PCDHGB3: variants seen among roughly 807,000 people sequenced by gnomAD.
PCDHGB3 encodes the protein protocadherin gamma subfamily B, 3.
PCDHGB3 carries 40 observed loss-of-function variants against 59.2 expected under a neutral mutation model. That is an observed-to-expected ratio of 0.68 (90% CI 0.52 to 0.88). PCDHGB3 has a LOEUF of 0.88. PCDHGB3 is among the 40% of genes least tolerant of loss of function. PCDHGB3 has a pLI of 0.00. For synonymous variants in PCDHGB3, 581 were observed against 503.6 expected (o/e 1.15, Z -2.06); for missense variants, 1,309 against 1,187.9 (o/e 1.10, Z -1.50).
intron 1 of PCDHGB3, chr5:141,421,232 C>G (rs748347420): frequency 1.3e-6 from 2 of 1,590,370 alleles, no homozygotes; most frequent in Non-Finnish European, 1.7e-6. Context: ...CCTGCCATGG[C>G]GAATCGGCTA....
intron 1 of PCDHGB3, chr5:141,400,039 C>T: frequency 6.2e-7 from 1 of 1,613,512 alleles, no homozygotes; most frequent in Non-Finnish European, 8.5e-7. Context: ...CCGCCAGCGC[C>T]TGCTGGTTGC....
chr5:141,417,226 T>A (rs966071761), intron 1 of PCDHGB3: 4 of 152,134 alleles, frequency 2.6e-5, no homozygotes, highest in Admixed American at 1.3e-4. Flanking sequence ...GACAAAAAAA[T>A]TTGTTGCTTA....
In PCDHGB3 at chr5:141,372,345, C is replaced by T; in HGVS notation, c.1951C>T (p.Gln651Ter). The T allele has an allele frequency of 6.2e-7, 1 of 1,613,816 alleles. No individual in the cohort carries two copies. Among genetic ancestry groups the T allele is most frequent in the Non-Finnish European group, 8.5e-7 (1 of 1,179,906 alleles). Reference sequence around the variant, plus strand: ...GCTGGTCACTGTGCGTGATGGAGGACAGCAGCCTCTTTCAGCCACCGTCAT... The same window carrying T: ...GCTGGTCACTGTGCGTGATGGAGGATAGCAGCCTCTTTCAGCCACCGTCAT... ...RLLVTVRDGG[Q>*]QPLSATVMLH... Residue 651 changes from glutamine to a stop codon, truncating the protein, a stop_gained, in exon 1 of 4, where the codon CAG becomes TAG. Transcript: ENST00000576222. LOFTEE classifies it high-confidence loss of function.
At chr5:141,441,779 C>T in intron 1 of PCDHGB3, 2 of 390,030 alleles carry the variant, frequency 5.1e-6, no homozygotes, top group South Asian at 2.0e-5. Context: ...TGGTGGACGA[C>T]CTGAATGACA....
intron 1 of PCDHGB3, among the ~76,000 whole-genome samples, chr5:141,459,747 A>G (rs553965181): frequency 3.2e-4 from 48 of 152,318 alleles, no homozygotes; most frequent in African/African-American, 1.1e-3. Flanking sequence ...AATTTTAGCA[A>G]TTCTAGTGGG....
chr5:141,389,906 T>A, intron 1 of PCDHGB3: 1 of 1,614,086 alleles, frequency 6.2e-7, no homozygotes, highest in Non-Finnish European at 8.5e-7. Context: ...CGGATATCAC[T>A]GACCGCCCCG....
At position 141,432,463 on chromosome 5, in the gene PCDHGB3, C is replaced by T; in HGVS notation, c.2415+59654C>T. ...CCGAGATCCTGTACCCCGCCCTCCC[C>T]ACGGACGGTTCCACTGGCGTGGAGC... On this transcript the variant is annotated intron_variant, in intron 1 of 3. Transcript: ENST00000576222. The surrounding 1 kb of genome is among the most constrained non-coding windows in gnomAD (Gnocchi z 6.0). 6.2e-7 allele frequency: 1 copy of T among 1,614,238 alleles called. No individual in the cohort carries two copies. The highest frequency in any genetic ancestry group is 1.1e-5 in the South Asian group (1 of 91,084).
intron 1 of PCDHGB3, chr5:141,390,523 G>C: frequency 1.8e-6 from 1 of 556,304 alleles, no homozygotes; most frequent in Non-Finnish European, 3.1e-6. Context: ...AGCAATGAGG[G>C]TGTGGTTTTA....
rs749645155 is a variant in PCDHGB3 at position 141,414,214 on chromosome 5, A to G, written c.2415+41405A>G. On this transcript the variant is annotated intron_variant, in intron 1 of 3. Transcript: ENST00000576222. ...GATTACAGTAGAAGATGTAAATGAC[A>G]ACAGTCCAGAGCTGACCATCACGTC... 6.2e-6 allele frequency: 10 copies of G among 1,613,126 alleles called. No homozygotes were observed. The South Asian group carries it at 9.9e-5, about 16-fold the overall frequency.
At chr5:141,400,233 C>A (rs373858401) in intron 1 of PCDHGB3, 2 of 1,613,988 alleles carry the variant, frequency 1.2e-6, no homozygotes, top group African/African-American at 1.3e-5. Flanking sequence ...TCCTCCTGGC[C>A]GTGATTCTGG....
At position 141,477,886 on chromosome 5, in the gene PCDHGB3, G is replaced by A. The variant is rs2099422999; in HGVS notation, c.2416-16921G>A. 2 of 1,614,188 alleles carry A rather than the reference G, an allele frequency of 1.2e-6. No homozygotes were observed. The highest frequency in any genetic ancestry group is 1.7e-6 in the Non-Finnish European group (2 of 1,180,040). ...GAGGTACCTCAGCTGGCCACCTAGT[G>A]TCACGGGTGGTAGGCTGGGACGCGG... On this transcript the variant is annotated intron_variant, in intron 1 of 3. Transcript: ENST00000576222. The surrounding 1 kb of genome is among the most constrained non-coding windows in gnomAD (Gnocchi z 4.9).
In PCDHGB3 at chr5:141,476,659, G is replaced by A; in HGVS notation, c.2416-18148G>A. On this transcript the variant is annotated intron_variant, in intron 1 of 3. Coordinates refer to ENST00000576222, the MANE Select transcript of PCDHGB3 (RefSeq NM_018924.5). The surrounding 1 kb of genome is among the most constrained non-coding windows in gnomAD (Gnocchi z 7.6). ...AGCTGAGCCGAAATGAATACTTTGC[G>A]CTTCGCGTGCAGACGCGGGAGGACA... 2 of 1,614,252 alleles carry A rather than the reference G, an allele frequency of 1.2e-6. No homozygotes were observed. Among genetic ancestry groups the A allele is most frequent in the Non-Finnish European group, 8.5e-7 (1 of 1,180,048 alleles).
At chr5:141,461,388 A>T (rs1025976806) in intron 1 of PCDHGB3, among the ~76,000 whole-genome samples, 5 of 152,164 alleles carry the variant, frequency 3.3e-5, no homozygotes, top group Admixed American at 6.5e-5. Context: ...CCTGATGATT[A>T]GCGATGTTGA....
chr5:141,418,980 A>C (rs1219866791), intron 1 of PCDHGB3: 2 of 1,614,004 alleles, frequency 1.2e-6, no homozygotes, highest in Non-Finnish European at 1.7e-6. Flanking sequence ...ACACGGGACC[A>C]AGACTCAGGG....
intron 1 of PCDHGB3, among the ~76,000 whole-genome samples, chr5:141,380,801 AT>A (rs1776749377): frequency 6.6e-6 from 1 of 152,258 alleles, no homozygotes; most frequent in Non-Finnish European, 1.5e-5. Context: ...TAAGAAACAA[AT>A]GTGAGATGAA....
intron 1 of PCDHGB3, among the ~76,000 whole-genome samples, chr5:141,481,095 C>T (rs1456056389): frequency 1.3e-5 from 2 of 152,120 alleles, no homozygotes; most frequent in African/African-American, 2.4e-5. Context: ...AAAAGCAGTA[C>T]TCTGGAACCT....
rs61612330 is a variant in PCDHGB3 at position 141,454,796 on chromosome 5, A to ATTTTTTTTTTTTTTTT, written c.2416-39997_2416-39982dup. Among the ~76,000 whole-genome samples the ATTTTTTTTTTTTTTTT allele has an allele frequency of 1.2e-3, 96 of 77,456 alleles. 8 individuals are homozygous for ATTTTTTTTTTTTTTTT. The highest frequency in any genetic ancestry group is 2.0e-3 in the South Asian group (4 of 1,960). 50.8% of individuals were successfully genotyped at this position (77,456 alleles called of 152,430 possible). A position where few individuals can be genotyped will look rare whatever the true frequency, so the allele number is the denominator to read the frequency against. ...AAGGAAATAATCCTCCATGGTTCTA[A>ATTTTTTTTTTTTTTTT]TTTTTTTTTTTTTTTTTTTTTTTTT... On this transcript the variant is annotated intron_variant, in intron 1 of 3. Coordinates refer to ENST00000576222, the MANE Select transcript of PCDHGB3 (RefSeq NM_018924.5).
rs1414835001 is a variant in PCDHGB3 at position 141,476,225 on chromosome 5, A to T, written c.2416-18582A>T. 1.2e-6 allele frequency: 2 copies of T among 1,613,882 alleles called. No individual in the cohort carries two copies. Among genetic ancestry groups the T allele is most frequent in the Non-Finnish European group, 1.7e-6 (2 of 1,180,012 alleles). ...GGCTTCCACGGTCATTCACTATGAG[A>T]TCCCGGAGGAAAGAGAGAAGGGTTT... On this transcript the variant is annotated intron_variant, in intron 1 of 3. Transcript: ENST00000576222. This position sits in a 1 kb window ranked among gnomAD's most constrained non-coding sequence, Gnocchi z 7.6.
intron 2 of PCDHGB3, among the ~76,000 whole-genome samples, chr5:141,497,614 A>C (rs1377740795): frequency 6.8e-6 from 1 of 146,530 alleles, no homozygotes; most frequent in African/African-American, 2.6e-5. Context: ...ATCTTGGCTC[A>C]CTGCAACCTC....
Sources: allele counts gnomAD v4.1 joint callset (sites outside exome capture counted in the v4.1 genomes callset), GRCh38; gene constraint gnomAD v4.1.1; non-coding constraint Gnocchi (gnomAD v3.1); transcripts MANE v1.5; gene names NCBI Gene and HGNC (gene_info 2026-07-23, HGNC 2026-07-21).